The following SYMPK variants were observed in gnomAD, a reference collection of about 807,000 sequenced individuals.
SYMPK encodes the protein symplekin scaffold protein.
SYMPK carries 49 observed loss-of-function variants against 136.4 expected under a neutral mutation model. The observed-to-expected ratio is 0.36, with a 90% CI of 0.29 to 0.46. The LOEUF (loss-of-function observed/expected upper bound fraction) is 0.46, where lower values mean the gene tolerates loss of function less well. SYMPK is among the 20% of genes least tolerant of loss of function. SYMPK has a pLI of 1.00. For synonymous variants in SYMPK, 766 were observed against 713.0 expected, an observed-to-expected ratio of 1.07 and a Z score of -1.19; for missense variants, 1,365 against 1,690.0, an observed-to-expected ratio of 0.81 and a Z score of 3.37.
Position 45,827,942 on chromosome 19 carries a change from A to G in SYMPK, c.1986-24T>C, listed in dbSNP as rs1351047467. The G allele has an allele frequency of 3.1e-6, 5 of 1,611,854 alleles. No homozygotes were observed. The South Asian group carries it at 3.3e-5, about 11-fold the overall frequency. On this transcript the variant is annotated intron_variant, in intron 14 of 26. Coordinates refer to ENST00000245934, the MANE Select transcript of SYMPK (RefSeq NM_004819.3). ...TCCTGCCAGAGATGGAGGGAGGGCC[A>G]TGGCTGCAGAGGAAGAGGCCGCCTG...
intron 1 of SYMPK, chr19:45,855,404 A>G (rs1470139893): frequency 6.6e-6 from 1 of 152,258 alleles, no homozygotes; most frequent in Non-Finnish European, 1.5e-5. Flanking sequence ...TATGTCAATT[A>G]CACAACTATT....
chr19:45,822,209 C>G (rs1178520408), intron 21 of SYMPK, among the ~76,000 whole-genome samples: 1 of 149,902 alleles, frequency 6.7e-6, no homozygotes, highest in African/African-American at 2.5e-5. Flanking sequence ...AGCTCCGCCT[C>G]CCGGGTTCAT....
At chr19:45,852,431 A>G in intron 4 of SYMPK, 46 bp from the exon 5 acceptor site, 2 of 1,614,132 alleles carry the variant, frequency 1.2e-6, no homozygotes, top group African/African-American at 1.3e-5. Context: ...ACAAGGATCC[A>G]CATCCCCTTT....
intron 22 of SYMPK, chr19:45,819,420 G>A (rs1299781652): frequency 6.5e-6 from 1 of 152,690 alleles, no homozygotes; most frequent in Non-Finnish European, 1.5e-5. Flanking sequence ...TCGTCCCCTA[G>A]GTCCAGAACC....
At chr19:45,826,906 C>A (rs1600499328) in intron 16 of SYMPK, among the ~76,000 whole-genome samples, 1 of 152,220 alleles carries the variant, frequency 6.6e-6, no homozygotes, top group Admixed American at 6.5e-5. Flanking sequence ...GGGTCAAGGG[C>A]GCTCTCAACC....
intron 3 of SYMPK, among the ~76,000 whole-genome samples, chr19:45,853,870 G>C (rs1182080617): frequency 1.3e-5 from 2 of 152,204 alleles, no homozygotes; most frequent in African/African-American, 4.8e-5. Context: ...CAATGATGAA[G>C]AGTGTAGGAT....
At chr19:45,832,617 G>A (rs1388032982) in intron 11 of SYMPK, among the ~76,000 whole-genome samples, 5 of 152,162 alleles carry the variant, frequency 3.3e-5, no homozygotes, top group East Asian at 1.9e-4. Context: ...CATCAATACC[G>A]GTGTGGATAA....
chr19:45,847,570 C>A (rs1273528731), intron 7 of SYMPK, among the ~76,000 whole-genome samples, 182 bp downstream of exon 7: 1 of 152,048 alleles, frequency 6.6e-6, no homozygotes, highest in Non-Finnish European at 1.5e-5. Context: ...GGTAACTTGC[C>A]CAAGTTCATG....
chr19:45,846,297 T>C (rs1438387992), intron 7 of SYMPK, among the ~76,000 whole-genome samples: 2 of 152,330 alleles, frequency 1.3e-5, no homozygotes, highest in South Asian at 2.1e-4. Flanking sequence ...TAATAGAATG[T>C]AATGTAACTA....
At position 45,823,407 on chromosome 19, in the gene SYMPK, G is replaced by A. The variant is rs773136826; in HGVS notation, c.2665C>T (p.Arg889Cys). 6.2e-7 allele frequency: 1 copy of A among 1,613,916 alleles called. No homozygotes were observed. The highest frequency in any genetic ancestry group is 1.3e-5 in the African/African-American group (1 of 74,906). The change falls in exon 20 of 27, where the codon CGC (arginine) becomes TGC (cysteine). Residue 889 changes from arginine to cysteine, a missense_variant. Physicochemically the swap from Arg to Cys is radical, Grantham distance 180. Around this residue, in one of 11 missense-constraint regions of SYMPK, gnomAD observed 92 missense variants for 198.6 expected, o/e 0.46. Coordinates refer to ENST00000245934, the MANE Select transcript of SYMPK (RefSeq NM_004819.3). ...DLYHKRLPDV[R>C]FLIPVLNGLE... is the part of the protein sequence containing the mutation. ...CCATTGAGCACCGGGATGAGGAAGC[G>A]GACGTCTGGCAGTCGCTTGTGGTAG...
chr19:45,853,110 C>G (rs1052256618), intron 3 of SYMPK, among the ~76,000 whole-genome samples: 1 of 152,218 alleles, frequency 6.6e-6, no homozygotes, highest in Non-Finnish European at 1.5e-5. Flanking sequence ...TATTGCTAAA[C>G]GGCCTCATGA....
intron 12 of SYMPK, 135 bp from the exon 13 acceptor site, chr19:45,830,339 T>A: frequency 9.7e-7 from 1 of 1,031,944 alleles, no homozygotes; most frequent in South Asian, 1.6e-5. Context: ...CCAGTTCCTC[T>A]GTGTCTCTGA....
intron 3 of SYMPK, among the ~76,000 whole-genome samples, chr19:45,853,609 G>A (rs1971745453): frequency 7.0e-6 from 1 of 142,396 alleles, no homozygotes; most frequent in South Asian, 2.2e-4. Context: ...GCAAGACTCT[G>A]CCTCAAAAAA....
At position 45,815,868 on chromosome 19, in the gene SYMPK, C is replaced by G; in HGVS notation, c.3670G>C (p.Glu1224Gln). The change falls in exon 26 of 27, where the codon GAG (glutamate) becomes CAG (glutamine). Residue 1224 changes from glutamate (E) to glutamine (Q), a missense_variant. By Grantham distance (29) the Glu-to-Gln change is conservative. Around this residue, in one of 11 missense-constraint regions of SYMPK, gnomAD observed 341 missense variants for 270.5 expected, o/e 1.26. Coordinates refer to ENST00000245934, the MANE Select transcript of SYMPK (RefSeq NM_004819.3). ...TEAALLDSSL[E>Q]GPLPKETAAG... ...CTCCCTACCTTGGGTAGGGGGCCCT[C>G]GAGACTAGAGTCCAACAGCGCGGCC... is the stretch of plus-strand genomic sequence containing the variant. The G allele has an allele frequency of 1.2e-6, 2 of 1,611,890 alleles. No homozygotes were observed. Among genetic ancestry groups the G allele is most frequent in the East Asian group, 2.2e-5 (1 of 44,830 alleles).
chr19:45,850,000 G>A (rs1438356861), intron 5 of SYMPK, among the ~76,000 whole-genome samples: 1 of 151,950 alleles, frequency 6.6e-6, no homozygotes, highest in African/African-American at 2.4e-5. Context: ...AGCCGAGATC[G>A]CACCATTGCA....
intron 10 of SYMPK, among the ~76,000 whole-genome samples, chr19:45,837,616 C>CAAAAAA (rs58960244): frequency 1.5e-4 from 12 of 77,434 alleles, no homozygotes; most frequent in East Asian, 3.7e-4. Flanking sequence ...GACTCTGCCT[C>CAAAAAA]AAAAAAAAAA....
At chr19:45,844,341 T>C in intron 7 of SYMPK, 141 bp from the exon 8 acceptor site, 4 of 632,300 alleles carry the variant, frequency 6.3e-6, no homozygotes, top group Non-Finnish European at 7.7e-6. Flanking sequence ...AATGTGGTGG[T>C]TGATTAGTTC....
chr19:45,838,766 G>C, intron 9 of SYMPK, 151 bp from the exon 10 acceptor site: 1 of 838,666 alleles, frequency 1.2e-6, no homozygotes, highest in Non-Finnish European at 1.8e-6. Flanking sequence ...CTCTGCCTCT[G>C]GTGCCAAACC....
chr19:45,857,257 A>G (rs893037194), intron 1 of SYMPK, among the ~76,000 whole-genome samples: 40 of 143,634 alleles, frequency 2.8e-4, no homozygotes, highest in Non-Finnish European at 5.5e-4. Flanking sequence ...AAAATACAAA[A>G]AAATATGCCG....
Sources: gnomAD v4.1 joint callset for allele counts (sites outside exome capture counted in the v4.1 genomes callset) on GRCh38, gnomAD v4.1.1 for gene constraint, gnomAD v4.1.1 regional missense constraint, MANE v1.5 for transcripts, NCBI Gene and HGNC (gene_info 2026-07-23, HGNC 2026-07-21) for gene names.